The following SOST variants were observed in gnomAD, a reference collection of about 807,000 sequenced individuals.
The protein encoded by SOST is sclerosteosis.
A neutral mutation model predicts 16.7 loss-of-function variants in SOST; 14 were observed. That is an observed-to-expected ratio of 0.84 (90% CI 0.55 to 1.31). The LOEUF (loss-of-function observed/expected upper bound fraction) is 1.31. Among genes scored for constraint, SOST ranks in the 50% most tolerant of loss-of-function variants. SOST has a pLI of 0.00. For missense variants in SOST, 291 were observed against 310.7 expected (o/e 0.94, Z 0.48); for synonymous variants, 150 against 140.9 (o/e 1.06, Z -0.46).
chr17:43,758,501 A>C (rs2154590471), intron 1 of SOST, 21 bp downstream of exon 1: 1 of 1,594,938 alleles, frequency 6.3e-7, no homozygotes, highest in Middle Eastern at 1.7e-4. Context: ...TTTACTAAGA[A>C]TTCTCTCCTC....
chr17:43,755,424 G>C lies in SOST; in HGVS notation c.560C>G (p.Ala187Gly), dbSNP rs1974116580. Residue 187 changes from alanine (A) to glycine (G), a missense_variant, in exon 2 of 2, where the codon GCT (alanine) becomes GGT (glycine). Coordinates refer to ENST00000301691, the MANE Select transcript of SOST (RefSeq NM_025237.3). The surrounding 1 kb of genome is among the most constrained non-coding windows in gnomAD (Gnocchi z 4.3). ...SELKDFGTEA[A>G]RPQKGRKPRP... The stretch of plus-strand genomic sequence containing the variant: ...CGGCTTCCGGCCCTTCTGCGGCCGA[G>C]CGGCCTCGGTCCCGAAGTCCTTGAG... 1.3e-6 allele frequency: 2 copies of C among 1,593,424 alleles called. No homozygotes were observed. Among genetic ancestry groups the C allele is most frequent in the Non-Finnish European group, 1.7e-6 (2 of 1,177,772 alleles).
chr17:43,756,166 A>C (rs896074985), intron 1 of SOST, among the ~76,000 whole-genome samples: 1 of 152,054 alleles, frequency 6.6e-6, no homozygotes, highest in African/African-American at 2.4e-5. Flanking sequence ...TATTATTATC[A>C]TTTCTCTTCT....
chr17:43,757,129 A>AG (rs1039989338), intron 1 of SOST, among the ~76,000 whole-genome samples: 10 of 152,176 alleles, frequency 6.6e-5, no homozygotes, highest in Admixed American at 1.3e-4. Flanking sequence ...GTGTGTGGTC[A>AG]GGGGGGCATT....
rs1974159699 is a variant in SOST at position 43,758,670 on chromosome 17, CT to C, written c.71del (p.Gln24ArgfsTer33). ...VHTAFRVVEG[Q>X]GWQAFKNDAT... ...CATCATTCTTGAACGCCTGCCACCC[CT>C]GGCCCTCCACTACACGGAAGGCTGT... On this transcript the variant is annotated frameshift_variant, in exon 1 of 2. Coordinates refer to ENST00000301691, the MANE Select transcript of SOST (RefSeq NM_025237.3). LOFTEE classifies it high-confidence loss of function. 5.0e-6 allele frequency: 8 copies of C among 1,614,070 alleles called. No individual in the cohort carries two copies. Among genetic ancestry groups the C allele is most frequent in the Non-Finnish European group, 6.8e-6 (8 of 1,180,046 alleles).
Position 43,755,810 on chromosome 17 carries a change from C to G in SOST, c.221-47G>C, listed in dbSNP as rs778214957. ...AGGGTGGCCGCCCGCCTGGCCACCCCTGCCCTGGACCGGCCCGTCTCTCTC... is the reference window on the plus strand; with the variant it reads ...AGGGTGGCCGCCCGCCTGGCCACCCGTGCCCTGGACCGGCCCGTCTCTCTC... On this transcript the variant is annotated intron_variant, in intron 1 of 1. Coordinates refer to ENST00000301691, the MANE Select transcript of SOST (RefSeq NM_025237.3). The surrounding 1 kb of genome is among the most constrained non-coding windows in gnomAD (Gnocchi z 4.3). The G allele has an allele frequency of 4.0e-5, 61 of 1,537,022 alleles. No individual in the cohort carries two copies. Among genetic ancestry groups the G allele is most frequent in the Middle Eastern group, 2.1e-4 (1 of 4,664 alleles).
At position 43,758,735 on chromosome 17, in the gene SOST, G is replaced by A. The variant is rs745735992; in HGVS notation, c.7C>T (p.Leu3Phe). ...CAGACGAGACACAGGGCCAGTGGGA[G>A]CTGCATGGTACCAGCCAGAGGAGGG... MQLPLALCLVCLL... is the reference protein window; with the variant it reads MQFPLALCLVCLL... The change falls in exon 1 of 2, where the codon CTC (leucine) becomes TTC (phenylalanine). Residue 3 changes from leucine (L) to phenylalanine (F), a missense_variant. By Grantham distance (22) the Leu-to-Phe change is conservative. Transcript: ENST00000301691. 4.3e-6 allele frequency: 7 copies of A among 1,612,864 alleles called. No homozygotes were observed. The highest frequency in any genetic ancestry group is 1.7e-5 in the Admixed American group (1 of 60,028).
At position 43,755,011 on chromosome 17, in the gene SOST, T is replaced by G; in HGVS notation, c.*331A>C. 1 of 316,542 alleles carries G rather than the reference T, an allele frequency of 3.2e-6. No individual in the cohort carries two copies. The highest frequency in any genetic ancestry group is 5.7e-6 in the Non-Finnish European group (1 of 174,386). 19.6% of individuals were successfully genotyped at this position (316,542 alleles called of 1,614,324 possible). On this transcript the variant is annotated 3_prime_UTR_variant, in exon 2 of 2. Transcript: ENST00000301691. This position sits in a 1 kb window ranked among gnomAD's most constrained non-coding sequence, Gnocchi z 4.3. The stretch of plus-strand genomic sequence containing the variant: ...CTTTCCCACTCCCACACCGCTCCCT[T>G]AAAACCCCAGGGCGGTGAAAATGCT...
chr17:43,754,601 T>C lies in SOST; in HGVS notation c.*741A>G, dbSNP rs1974105899. ...TTTTTTTTCTGTTTGTTTTTCATCT[T>C]TGGCTGTCAGAAGAGAGCATCACAA... On this transcript the variant is annotated 3_prime_UTR_variant, in exon 2 of 2. Coordinates refer to ENST00000301691, the MANE Select transcript of SOST (RefSeq NM_025237.3). The C allele has an allele frequency of 6.6e-6, 1 of 152,148 alleles. No homozygotes were observed. The highest frequency in any genetic ancestry group is 1.5e-5 in the Non-Finnish European group (1 of 68,030). 9.4% of individuals were successfully genotyped at this position (152,148 alleles called of 1,614,324 possible).
rs111517112 is a variant in SOST, at chr17:43,758,658, C to A, written c.84G>T (p.Ala28=). The change falls in exon 1 of 2, where the codon GCG becomes GCT. Residue 28 remains alanine (A), a synonymous_variant. Coordinates refer to ENST00000301691, the MANE Select transcript of SOST (RefSeq NM_025237.3). ...FRVVEGQGWQ[A]FKNDATEIIP... ...TGATTTCCGTGGCATCATTCTTGAA[C>A]GCCTGCCACCCCTGGCCCTCCACTA... 3.1e-6 allele frequency: 5 copies of A among 1,614,144 alleles called. No individual in the cohort carries two copies. Among genetic ancestry groups the A allele is most frequent in the African/African-American group, 2.7e-5 (2 of 75,050 alleles).
chr17:43,757,130 G>A (rs554542634), intron 1 of SOST, among the ~76,000 whole-genome samples: 2 of 152,314 alleles, frequency 1.3e-5, no homozygotes, highest in South Asian at 4.1e-4. Flanking sequence ...TGTGTGGTCA[G>A]GGGGGCATTT....
chr17:43,757,132 G>A (rs1402913657), intron 1 of SOST, among the ~76,000 whole-genome samples: 1 of 152,202 alleles, frequency 6.6e-6, no homozygotes, highest in Non-Finnish European at 1.5e-5. Context: ...TGTGGTCAGG[G>A]GGGCATTTGC....
In SOST at chr17:43,755,306, G is replaced by C. The variant is rs1237186234; in HGVS notation, c.*36C>G. On this transcript the variant is annotated 3_prime_UTR_variant, in exon 2 of 2. Transcript: ENST00000301691. The surrounding 1 kb of genome is among the most constrained non-coding windows in gnomAD (Gnocchi z 4.3). The stretch of plus-strand genomic sequence containing the variant: ...AAATGTGGGGCGCGGGTTCAGGGCC[G>C]GGGCGCCCGCCGGTGGGGAGGGGCG... 11 of 1,501,294 alleles carry C rather than the reference G, an allele frequency of 7.3e-6. No homozygotes were observed. Among genetic ancestry groups the C allele is most frequent in the East Asian group, 4.9e-5 (2 of 41,182 alleles). The allele number at this position is 1,501,294 out of a possible 1,614,324, so 93.0% of individuals were successfully genotyped here.
Position 43,755,776 on chromosome 17 carries a change from G to T in SOST, c.221-13C>A. 6.4e-7 allele frequency: 1 copy of T among 1,571,418 alleles called. No individual in the cohort carries two copies. Among genetic ancestry groups the T allele is most frequent in the South Asian group, 1.2e-5 (1 of 86,946 alleles). The stretch of plus-strand genomic sequence containing the variant: ...TACTCGGACACGTCTGTGGAGAGAG[G>T]CGCGCGTGAGGGTGGCCGCCCGCCT... On this transcript the variant is annotated splice_polypyrimidine_tract_variant and intron_variant, in intron 1 of 1. Coordinates refer to ENST00000301691, the MANE Select transcript of SOST (RefSeq NM_025237.3). The surrounding 1 kb of genome is among the most constrained non-coding windows in gnomAD (Gnocchi z 4.3).
At chr17:43,756,337 A>C (rs2154590437) in intron 1 of SOST, among the ~76,000 whole-genome samples, 1 of 152,206 alleles carries the variant, frequency 6.6e-6, no homozygotes, top group Non-Finnish European at 1.5e-5. Context: ...GTAGAGGTTA[A>C]TTGAAGGTAA....
Position 43,755,392 on chromosome 17 carries a change from G to A in SOST, c.592C>T (p.Arg198Cys), listed in dbSNP as rs767644132. 1.1e-5 allele frequency: 18 copies of A among 1,589,284 alleles called. No homozygotes were observed. The highest frequency in any genetic ancestry group is 8.9e-5 in the South Asian group (8 of 90,074). Residue 198 changes from arginine to cysteine, a missense_variant, in exon 2 of 2, where the codon CGC (arginine) becomes TGC (cysteine). By Grantham distance (180) the Arg-to-Cys change is radical (BLOSUM62 -3). Transcript: ENST00000301691. This position sits in a 1 kb window ranked among gnomAD's most constrained non-coding sequence, Gnocchi z 4.3. ...RPQKGRKPRP[R>C]ARSAKANQAE... The stretch of plus-strand genomic sequence containing the variant: ...TGGTTGGCTTTGGCGCTCCGGGCGC[G>A]GGGCCGCGGCTTCCGGCCCTTCTGC...
In SOST at chr17:43,755,222, C is replaced by G; in HGVS notation, c.*120G>C. On this transcript the variant is annotated 3_prime_UTR_variant, in exon 2 of 2. Coordinates refer to ENST00000301691, the MANE Select transcript of SOST (RefSeq NM_025237.3). This position sits in a 1 kb window ranked among gnomAD's most constrained non-coding sequence, Gnocchi z 4.3. ...GGGCCTGGAAGGTCTCAGCCCCCTG[C>G]CCTGGGTTGCAGGCATTTACAATGA... The G allele has an allele frequency of 9.4e-7, 1 of 1,059,258 alleles. No homozygotes were observed. The highest frequency in any genetic ancestry group is 1.3e-6 in the Non-Finnish European group (1 of 775,998). The allele number at this position is 1,059,258 out of a possible 1,614,324, so 65.6% of individuals were successfully genotyped here. A position where few individuals can be genotyped will look rare whatever the true frequency, so the allele number is the denominator to read the frequency against.
intron 1 of SOST, 124 bp downstream of exon 1, chr17:43,758,398 G>T: frequency 1.3e-6 from 1 of 779,106 alleles, no homozygotes; most frequent in South Asian, 1.6e-5. Context: ...ACTGTTCCTC[G>T]ACCAGTGCTG....
Position 43,755,894 on chromosome 17 carries a change from T to G in SOST, c.221-131A>C. ...AGAGGCTTTTGCCCCTGAACATCTA[T>G]TGCAGGAAGGTCCCAGATGCTCTAG... is the stretch of plus-strand genomic sequence containing the variant. On this transcript the variant is annotated intron_variant, in intron 1 of 1. Coordinates refer to ENST00000301691, the MANE Select transcript of SOST (RefSeq NM_025237.3). The surrounding 1 kb of genome is among the most constrained non-coding windows in gnomAD (Gnocchi z 4.3). 4 of 1,068,632 alleles carry G rather than the reference T, an allele frequency of 3.7e-6. No individual in the cohort carries two copies. Among genetic ancestry groups the G allele is most frequent in the East Asian group, 2.7e-5 (1 of 36,762 alleles). 66.2% of individuals were successfully genotyped at this position (1,068,632 alleles called of 1,614,324 possible). A position where few individuals can be genotyped will look rare whatever the true frequency, so the allele number is the denominator to read the frequency against.
Position 43,755,496 on chromosome 17 carries a change from G to A in SOST, c.488C>T (p.Ala163Val). 1 of 1,597,058 alleles carries A rather than the reference G, an allele frequency of 6.3e-7. No individual in the cohort carries two copies. Among genetic ancestry groups the A allele is most frequent in the Non-Finnish European group, 8.5e-7 (1 of 1,178,430 alleles). ...GGTGAGGCGCTTGCACTTGCACGAG[G>A]CCACCAGGCGCACCTTGCGCGCGCG... ...APRARKVRLV[A>V]SCKCKRLTRF... Residue 163 changes from alanine (A) to valine (V), a missense_variant, in exon 2 of 2, where the codon GCC becomes GTC. By Grantham distance (64) the Ala-to-Val change is moderately conservative. Transcript: ENST00000301691. The surrounding 1 kb of genome is among the most constrained non-coding windows in gnomAD (Gnocchi z 4.3).
Sources: gnomAD v4.1 joint callset for allele counts (sites outside exome capture counted in the v4.1 genomes callset) on GRCh38, gnomAD v4.1.1 for gene constraint, Gnocchi (gnomAD v3.1) non-coding constraint, MANE v1.5 for transcripts, NCBI Gene and HGNC (gene_info 2026-07-23, HGNC 2026-07-21) for gene names.